The following PTPN1 variants were observed in gnomAD, a reference collection of about 807,000 sequenced individuals.
PTPN1 encodes tyrosine-protein phosphatase non-receptor type 1.
In PTPN1, 12 loss-of-function variants were observed where a neutral mutation model predicts 59.9. The ratio of observed to expected loss-of-function variants is 0.20; its 90% CI spans 0.13 to 0.32. PTPN1 has a LOEUF of 0.32. Ranked by LOEUF, PTPN1 falls within the 10% of genes least tolerant of loss-of-function variation. PTPN1 has a pLI of 1.00. For missense variants in PTPN1, 356 were observed against 549.2 expected, an observed-to-expected ratio of 0.65 and a Z score of 3.52; for synonymous variants, 178 against 203.6, an observed-to-expected ratio of 0.87 and a Z score of 1.07.
chr20:50,575,844 T>C (rs1428068090), intron 5 of PTPN1, among the ~76,000 whole-genome samples: 2 of 152,196 alleles, frequency 1.3e-5, no homozygotes, highest in African/African-American at 4.8e-5. Context: ...GGAGGATTGC[T>C]TGTGCCCGGG....
chr20:50,551,782 T>C (rs953167816), intron 1 of PTPN1, among the ~76,000 whole-genome samples: 3 of 152,374 alleles, frequency 2.0e-5, no homozygotes, highest in South Asian at 2.1e-4. Flanking sequence ...ACACACTGAA[T>C]GACTCCTGAC....
chr20:50,543,662 G>A lies in PTPN1; in HGVS notation c.64-17701G>A, dbSNP rs1455285129. Among the ~76,000 whole-genome samples the A allele has an allele frequency of 2.0e-5, 3 of 152,268 alleles. No homozygotes were observed. The South Asian group carries it at 6.2e-4, about 32-fold the overall frequency. Reference sequence around the variant, plus strand: ...TCTCAGCATAGTATGAGACGTAAAGGCAATATAATGGGCATAGTTGAAGAT... The same window carrying A: ...TCTCAGCATAGTATGAGACGTAAAGACAATATAATGGGCATAGTTGAAGAT... On this transcript the variant is annotated intron_variant, in intron 1 of 9. Transcript: ENST00000371621.
intron 1 of PTPN1, among the ~76,000 whole-genome samples, chr20:50,511,993 T>G (rs2082509844): frequency 6.6e-6 from 1 of 152,244 alleles, no homozygotes; most frequent in Non-Finnish European, 1.5e-5. Context: ...CAGCCTTGAT[T>G]TTCATGTGGA....
At chr20:50,553,157 G>T (rs1033444909) in intron 1 of PTPN1, among the ~76,000 whole-genome samples, 2 of 152,100 alleles carry the variant, frequency 1.3e-5, no homozygotes, top group African/African-American at 2.4e-5. Flanking sequence ...ACACACAGTA[G>T]GCCCTTTATA....
intron 3 of PTPN1, among the ~76,000 whole-genome samples, chr20:50,566,762 C>T (rs2082781094): frequency 6.6e-6 from 1 of 152,142 alleles, no homozygotes; most frequent in African/African-American, 2.4e-5. Flanking sequence ...CGTGTCCTTG[C>T]AGATCTTAGG....
intron 1 of PTPN1, among the ~76,000 whole-genome samples, chr20:50,542,102 G>T (rs1348866551): frequency 1.3e-5 from 2 of 152,192 alleles, no homozygotes; most frequent in Admixed American, 1.3e-4. Flanking sequence ...AACTTGAAAT[G>T]CAAGGACAAA....
intron 2 of PTPN1, 132 bp from the exon 3 acceptor site, chr20:50,564,836 TA>T (rs2082771599): frequency 7.1e-7 from 1 of 1,404,426 alleles, no homozygotes; most frequent in Non-Finnish European, 9.6e-7. Context: ...TAATCTCAAC[TA>T]AAACAGGGCT....
chr20:50,526,396 TG>T (rs2082575675), intron 1 of PTPN1, among the ~76,000 whole-genome samples: 1 of 152,046 alleles, frequency 6.6e-6, no homozygotes, highest in South Asian at 2.1e-4. Context: ...GTATTTTAAA[TG>T]GGCCTGTTTG....
rs188856037 is a variant in PTPN1 at position 50,551,584 on chromosome 20, G to A, written c.64-9779G>A. Among the ~76,000 whole-genome samples, 23 of 152,308 alleles carry A rather than the reference G, an allele frequency of 1.5e-4. No homozygotes were observed. The East Asian group carries it at 3.7e-3, about 24-fold the overall frequency. ...AGAGCCGTACACATTTGACATCTAT[G>A]ATGTGTGGCGTTTTATTCTATCACA... On this transcript the variant is annotated intron_variant, in intron 1 of 9. Coordinates refer to ENST00000371621, the MANE Select transcript of PTPN1 (RefSeq NM_002827.4).
intron 1 of PTPN1, among the ~76,000 whole-genome samples, chr20:50,526,662 C>T (rs1022471405): frequency 2.0e-5 from 3 of 152,282 alleles, no homozygotes; most frequent in South Asian, 4.1e-4. Context: ...CAGATTCCCT[C>T]GCTCAGTTGC....
intron 1 of PTPN1, among the ~76,000 whole-genome samples, chr20:50,535,405 G>A (rs970916685): frequency 5.9e-5 from 9 of 152,084 alleles, no homozygotes; most frequent in South Asian, 2.1e-4. Flanking sequence ...CTGCCTCAGC[G>A]GAGCACGTGC....
At position 50,582,772 on chromosome 20, in the gene PTPN1, C is replaced by T. The variant is rs375573688; in HGVS notation, c.*57C>T. On this transcript the variant is annotated 3_prime_UTR_variant, in exon 10 of 10. Coordinates refer to ENST00000371621, the MANE Select transcript of PTPN1 (RefSeq NM_002827.4). This position sits in a 1 kb window ranked among gnomAD's most constrained non-coding sequence, Gnocchi z 4.2. The stretch of plus-strand genomic sequence containing the variant: ...TGTCCGCCTCTGCCCGCAGAGCCCA[C>T]GCCCGACTAGCAGGCATGCCGCGGT... The T allele has an allele frequency of 4.7e-5, 75 of 1,604,992 alleles. No individual in the cohort carries two copies. Among genetic ancestry groups the T allele is most frequent in the African/African-American group, 2.7e-4 (20 of 74,770 alleles).
At chr20:50,518,736 G>A (rs1180409136) in intron 1 of PTPN1, among the ~76,000 whole-genome samples, 3 of 152,094 alleles carry the variant, frequency 2.0e-5, no homozygotes, top group Non-Finnish European at 2.9e-5. Flanking sequence ...CTACTACCTG[G>A]ACGCCACCTC....
intron 1 of PTPN1, among the ~76,000 whole-genome samples, chr20:50,555,237 A>T (rs777455154): frequency 2.0e-5 from 3 of 152,250 alleles, no homozygotes; most frequent in Non-Finnish European, 4.4e-5. Context: ...AAGAAAAGAC[A>T]TACAAATTAA....
chr20:50,550,877 C>T (rs142798774), intron 1 of PTPN1, among the ~76,000 whole-genome samples: 47 of 152,298 alleles, frequency 3.1e-4, no homozygotes, highest in African/African-American at 1.0e-3. Flanking sequence ...AGACATTCAC[C>T]CAGTTGTGGA....
At chr20:50,513,326 G>A (rs2082515185) in intron 1 of PTPN1, among the ~76,000 whole-genome samples, 1 of 152,122 alleles carries the variant, frequency 6.6e-6, no homozygotes, top group Non-Finnish European at 1.5e-5. Flanking sequence ...GCTTGATTGG[G>A]CCTAGCTGTC....
intron 1 of PTPN1, among the ~76,000 whole-genome samples, chr20:50,549,986 A>G (rs2082695006): frequency 6.6e-6 from 1 of 152,128 alleles, no homozygotes; most frequent in Non-Finnish European, 1.5e-5. Flanking sequence ...CTCATTTATA[A>G]TGAGATTTGT....
At chr20:50,561,532 G>C in intron 2 of PTPN1, 79 bp downstream of exon 2, 1 of 862,916 alleles carries the variant, frequency 1.2e-6, no homozygotes, top group Non-Finnish European at 1.8e-6. Flanking sequence ...TTTCGCCTCA[G>C]GGTTTAGTAT....
chr20:50,583,767 G>A lies in PTPN1; in HGVS notation c.*1052G>A, dbSNP rs1601418775. On this transcript the variant is annotated 3_prime_UTR_variant, in exon 10 of 10. Coordinates refer to ENST00000371621, the MANE Select transcript of PTPN1 (RefSeq NM_002827.4). ...GCCCAGCCTGTCCTGGTACAGCAGG[G>A]TCTTGCTGTAACTCAGACATTCCAA... 6.6e-6 allele frequency: 1 copy of A among 152,632 alleles called. No individual in the cohort carries two copies. Among genetic ancestry groups the A allele is most frequent in the African/African-American group, 2.4e-5 (1 of 41,432 alleles). The allele number at this position is 152,632 out of a possible 1,614,324, so 9.5% of individuals were successfully genotyped here. A position where few individuals can be genotyped will look rare whatever the true frequency, so the allele number is the denominator to read the frequency against.
Sources: allele counts gnomAD v4.1 joint callset (sites outside exome capture counted in the v4.1 genomes callset), GRCh38; gene constraint gnomAD v4.1.1; non-coding constraint Gnocchi (gnomAD v3.1); transcripts MANE v1.5; gene names NCBI Gene and HGNC (gene_info 2026-07-23, HGNC 2026-07-21).